Variants in FABP7 observed in about 807,000 individuals in gnomAD.
FABP7 encodes the protein fatty acid binding protein 7.
Under a neutral mutation model 14.2 loss-of-function variants are expected in FABP7, and 13 were observed. The observed-to-expected ratio is 0.91, with a 90% CI of 0.59 to 1.45. The LOEUF is 1.45. Among genes scored for constraint, FABP7 ranks in the 40% most tolerant of loss-of-function variants. The probability of loss-of-function intolerance (pLI) is 0.00; values close to 1 mark genes in which losing one functional copy is unlikely to be tolerated. For missense variants in FABP7, 149 were observed against 157.6 expected, an observed-to-expected ratio of 0.95 and a Z score of 0.29; for synonymous variants, 49 against 51.4, an observed-to-expected ratio of 0.95 and a Z score of 0.20.
chr6:122,769,458 T>C, the FABP7 span, among the ~76,000 whole-genome samples: 119 of 152,140 alleles, frequency 7.8e-4, no homozygotes, highest in African/African-American at 2.9e-3. Context: ...TATACAAAAT[T>C]TATTATTATA....
the FABP7 span, among the ~76,000 whole-genome samples, chr6:122,766,116 A>C: frequency 2.0e-5 from 3 of 152,066 alleles, no homozygotes; most frequent in East Asian, 5.8e-4. Context: ...GTAGCTAGAG[A>C]ATAGGTTTAG....
the FABP7 span, among the ~76,000 whole-genome samples, chr6:122,769,822 G>A: frequency 3.9e-5 from 6 of 151,984 alleles, no homozygotes; most frequent in African/African-American, 1.4e-4. Context: ...GGTTTCAACC[G>A]ATCTGGTCAG....
At chr6:122,765,025 A>G in the FABP7 span, among the ~76,000 whole-genome samples, 2 of 152,210 alleles carry the variant, frequency 1.3e-5, no homozygotes, top group Admixed American at 6.5e-5. Context: ...TGAAAACATT[A>G]TAATGAGAAT....
intron 3 of FABP7, chr6:122,781,763 T>C: frequency 2.6e-6 from 2 of 769,792 alleles, no homozygotes; most frequent in South Asian, 6.7e-5. Flanking sequence ...TTTTTTGAGA[T>C]AAAGTCTTGC....
chr6:122,782,954 A>G, intron 3 of FABP7: 1 of 985,468 alleles, frequency 1.0e-6, no homozygotes, highest in Non-Finnish European at 1.2e-6. Flanking sequence ...AGAACACAGA[A>G]AAGTAGATAG....
chr6:122,759,975 C>T, the FABP7 span, among the ~76,000 whole-genome samples: 9 of 151,840 alleles, frequency 5.9e-5, no homozygotes, highest in East Asian at 1.9e-4. Flanking sequence ...AAAAATTAGC[C>T]GGGTGTGGTG....
At chr6:122,766,472 C>T in the FABP7 span, among the ~76,000 whole-genome samples, 1 of 152,020 alleles carries the variant, frequency 6.6e-6, no homozygotes, top group Non-Finnish European at 1.5e-5. Flanking sequence ...TGGCACAGAC[C>T]TAGCATCCCA....
chr6:122,767,433 T>C, the FABP7 span, among the ~76,000 whole-genome samples: 1 of 152,088 alleles, frequency 6.6e-6, no homozygotes, highest in Non-Finnish European at 1.5e-5. Context: ...CAGAGAAATA[T>C]ATTAAAATAC....
chr6:122,777,877 A>AATAAATATAAT (rs1780703097), upstream of FABP7, among the ~76,000 whole-genome samples: 3 of 41,714 alleles, frequency 7.2e-5, no homozygotes, highest in East Asian at 1.0e-3. Flanking sequence ...AATAAATATA[A>AATAAATATAAT]TTTTTTTATG....
chr6:122,764,702 A>C, the FABP7 span, among the ~76,000 whole-genome samples: 1 of 152,176 alleles, frequency 6.6e-6, no homozygotes, highest in Non-Finnish European at 1.5e-5. Context: ...AACTGAATAC[A>C]TCTTCCCTGC....
At position 122,783,855 on chromosome 6, in the gene FABP7, A is replaced by G; in HGVS notation, c.*88A>G. ...CTATCCTATTACAACATGGCTGATC[A>G]TTAATTAGAAGGTTATCCTTGGTGT... On this transcript the variant is annotated 3_prime_UTR_variant, in exon 4 of 4. Coordinates refer to ENST00000368444, the MANE Select transcript of FABP7 (RefSeq NM_001446.5). 1 of 1,065,380 alleles carries G rather than the reference A, an allele frequency of 9.4e-7. No homozygotes were observed. Among genetic ancestry groups the G allele is most frequent in the Admixed American group, 2.4e-5 (1 of 41,304 alleles). The allele number at this position is 1,065,380 out of a possible 1,614,324, so 66.0% of individuals were successfully genotyped here. A position where few individuals can be genotyped will look rare whatever the true frequency, so the allele number is the denominator to read the frequency against.
the FABP7 span, among the ~76,000 whole-genome samples, chr6:122,752,151 G>A: frequency 6.6e-6 from 1 of 151,406 alleles, no homozygotes. Context: ...ATTTGATTGA[G>A]GAAAAGGCAA....
upstream of FABP7, among the ~76,000 whole-genome samples, chr6:122,777,800 G>A (rs1042308703): frequency 5.3e-5 from 8 of 151,632 alleles, no homozygotes; most frequent in South Asian, 2.1e-4. Flanking sequence ...CTGAGATCGC[G>A]CCACTGCACT....
At chr6:122,770,562 A>C in the FABP7 span, among the ~76,000 whole-genome samples, 8 of 152,158 alleles carry the variant, frequency 5.3e-5, no homozygotes. Flanking sequence ...ACTAGTTTAC[A>C]AGTTAATAAG....
chr6:122,778,009 C>T (rs1489095288), upstream of FABP7, among the ~76,000 whole-genome samples: 2 of 151,974 alleles, frequency 1.3e-5, no homozygotes, highest in African/African-American at 4.8e-5. Flanking sequence ...TGAGCTGAAC[C>T]AATGTATGCC....
chr6:122,776,692 G>A (rs971993467), upstream of FABP7, among the ~76,000 whole-genome samples: 6 of 152,062 alleles, frequency 3.9e-5, no homozygotes, highest in Admixed American at 1.3e-4. Flanking sequence ...CCAACAAAAA[G>A]AAATGACCAA....
chr6:122,782,051 C>T, intron 3 of FABP7: 2 of 985,362 alleles, frequency 2.0e-6, no homozygotes, highest in Non-Finnish European at 2.4e-6. Flanking sequence ...GGCTCCCAGC[C>T]CCCAAAGAGA....
chr6:122,783,990 CCCT>C lies in FABP7; in HGVS notation c.*224_*226del, dbSNP rs1211936089. The C allele has an allele frequency of 5.1e-5, 19 of 370,956 alleles. No individual in the cohort carries two copies. Among genetic ancestry groups the C allele is most frequent in the African/African-American group, 1.5e-4 (7 of 45,962 alleles). The allele number at this position is 370,956 out of a possible 1,614,324, so 23.0% of individuals were successfully genotyped here. Reference sequence around the variant, plus strand: ...TTGAATTAAAGTTTTGTCCCCCCCCCCCTTTTTTTTATAAACAAGTGAATACAT... The same window carrying C: ...TTGAATTAAAGTTTTGTCCCCCCCCCTTTTTTTATAAACAAGTGAATACAT... On this transcript the variant is annotated 3_prime_UTR_variant, in exon 4 of 4. Coordinates refer to ENST00000368444, the MANE Select transcript of FABP7 (RefSeq NM_001446.5).
chr6:122,781,991 C>T (rs7752370), intron 3 of FABP7: 54 of 864,678 alleles, frequency 6.2e-5, no homozygotes, highest in Admixed American at 6.2e-4. Flanking sequence ...GTGATGCTCC[C>T]GCCTGCTGCC....
Sources: gnomAD v4.1 joint callset for allele counts (sites outside exome capture counted in the v4.1 genomes callset) on GRCh38, gnomAD v4.1.1 for gene constraint, MANE v1.5 for transcripts, NCBI Gene and HGNC (gene_info 2026-07-23, HGNC 2026-07-21) for gene names.